The following ALG9 variants were observed in gnomAD, a reference collection of about 807,000 sequenced individuals.
The protein encoded by ALG9 is ALG9 alpha-1,2-mannosyltransferase, also known as alpha-1,2-mannosyltransferase ALG9.
In ALG9, 55 loss-of-function variants were observed where a neutral mutation model predicts 81.8. That is an observed-to-expected ratio of 0.67 (90% CI 0.54 to 0.84). The LOEUF (loss-of-function observed/expected upper bound fraction) is 0.84, where lower values mean the gene tolerates loss of function less well. Among genes scored for constraint, ALG9 ranks in the 40% least tolerant of loss-of-function variants. The probability of loss-of-function intolerance (pLI) is 0.00; values close to 1 mark genes in which losing one functional copy is unlikely to be tolerated. For missense variants in ALG9, 629 were observed against 745.0 expected (o/e 0.84, Z 1.81); for synonymous variants, 278 against 274.3 (o/e 1.01, Z -0.13).
chr11:111,851,590 G>A (rs1957843679), intron 8 of ALG9, among the ~76,000 whole-genome samples: 1 of 151,882 alleles, frequency 6.6e-6, no homozygotes, highest in Non-Finnish European at 1.5e-5. Flanking sequence ...TAGAGTATCA[G>A]TAACCCATTA....
chr11:111,837,105 C>G (rs1249361140), intron 12 of ALG9, among the ~76,000 whole-genome samples: 1 of 152,200 alleles, frequency 6.6e-6, no homozygotes, highest in African/African-American at 2.4e-5. Context: ...TCTCTTCTAG[C>G]TGGAGTTTCT....
intron 8 of ALG9, among the ~76,000 whole-genome samples, chr11:111,850,984 A>C (rs543157020): frequency 1.7e-3 from 257 of 152,264 alleles, no homozygotes; most frequent in Non-Finnish European, 2.1e-3. Context: ...AGAAGTCCCA[A>C]GGACTCTTTC....
intron 10 of ALG9, among the ~76,000 whole-genome samples, chr11:111,839,409 AC>A (rs1555121246): frequency 6.6e-6 from 1 of 151,640 alleles, no homozygotes; most frequent in Non-Finnish European, 1.5e-5. Flanking sequence ...CACAGTGAAA[AC>A]CCCGTCTCTA....
intron 4 of ALG9, 83 bp downstream of exon 4, chr11:111,865,098 A>C: frequency 8.7e-7 from 1 of 1,149,884 alleles, no homozygotes; most frequent in Non-Finnish European, 1.2e-6. Flanking sequence ...ATTTCTAATC[A>C]CTGCCTAGAC....
chr11:111,793,532 C>T (rs1203302364), intron 14 of ALG9, among the ~76,000 whole-genome samples: 7 of 152,198 alleles, frequency 4.6e-5, no homozygotes, highest in South Asian at 4.1e-4. Flanking sequence ...GAGGCCGAGG[C>T]GGGCGGATCA....
At chr11:111,852,415 AG>A (rs1207044969) in intron 8 of ALG9, among the ~76,000 whole-genome samples, 2 of 152,170 alleles carry the variant, frequency 1.3e-5, no homozygotes, top group Admixed American at 1.3e-4. Flanking sequence ...GCATCAGGGA[AG>A]GAGTGGAGAT....
At chr11:111,788,385 C>G (rs749654925) in intron 14 of ALG9, 1 of 453,736 alleles carries the variant, frequency 2.2e-6, no homozygotes, top group Non-Finnish European at 4.4e-6. Flanking sequence ...GGAGAAGAGA[C>G]ATGAGACAAA....
chr11:111,870,535 A>C (rs1298321360), intron 1 of ALG9, among the ~76,000 whole-genome samples, 165 bp from the exon 2 acceptor site: 1 of 152,174 alleles, frequency 6.6e-6, no homozygotes, highest in Non-Finnish European at 1.5e-5. Context: ...TCTCAGTAAA[A>C]TTAATAAAAA....
At chr11:111,809,827 G>A (rs994473378) in intron 13 of ALG9, 54 bp from the exon 14 acceptor site, 67 of 1,598,756 alleles carry the variant, frequency 4.2e-5, no homozygotes, top group Non-Finnish European at 5.7e-5. Flanking sequence ...TCCCTTCAGG[G>A]TAGAGAACAG....
At chr11:111,855,791 C>G (rs1217863396) in intron 6 of ALG9, among the ~76,000 whole-genome samples, 2 of 151,988 alleles carry the variant, frequency 1.3e-5, no homozygotes, top group Non-Finnish European at 2.9e-5. Flanking sequence ...AGAAGAGGAC[C>G]TAAGATACAA....
intron 6 of ALG9, among the ~76,000 whole-genome samples, chr11:111,855,348 C>T (rs1184430636): frequency 6.6e-6 from 1 of 152,176 alleles, no homozygotes; most frequent in Non-Finnish European, 1.5e-5. Flanking sequence ...GAGTTTAAAA[C>T]AGGGAAGTGA....
chr11:111,836,216 C>A lies in ALG9; in HGVS notation c.1551G>T (p.Arg517=), dbSNP rs1008067161. The change falls in exon 13 of 15, where the codon CGG becomes CGT. Residue 517 remains arginine, a synonymous_variant. Coordinates refer to ENST00000616540, the MANE Select transcript of ALG9 (RefSeq NM_024740.2). ...GGTCATTCATGTCAGTAGGAACAATCCGGGTGGCCAGAGGTCCTTCTGCAA... is the reference window on the plus strand; with the variant it reads ...GGTCATTCATGTCAGTAGGAACAATACGGGTGGCCAGAGGTCCTTCTGCAA... ...KPFAEGPLAT[R]IVPTDMNDQN... 1 of 1,614,030 alleles carries A rather than the reference C, an allele frequency of 6.2e-7. No individual in the cohort carries two copies. Among genetic ancestry groups the A allele is most frequent in the East Asian group, 2.2e-5 (1 of 44,876 alleles).
chr11:111,843,165 A>G (rs1956478454), intron 9 of ALG9, among the ~76,000 whole-genome samples: 1 of 152,218 alleles, frequency 6.6e-6, no homozygotes, highest in Non-Finnish European at 1.5e-5. Context: ...GAAGGGATAG[A>G]GGAATAAGTT....
intron 5 of ALG9, among the ~76,000 whole-genome samples, chr11:111,859,504 C>CA (rs1223628474): frequency 3.5e-5 from 5 of 144,818 alleles, no homozygotes; most frequent in South Asian, 2.2e-4. Context: ...ACTCTTGTCT[C>CA]AAAAAAAAAG....
rs1946173995 is a variant in ALG9, at chr11:111,783,817, GAT to G, written c.*2578_*2579del. 1 of 151,700 alleles carries G rather than the reference GAT, an allele frequency of 6.6e-6. No individual in the cohort carries two copies. The highest frequency in any genetic ancestry group is 2.1e-4 in the South Asian group (1 of 4,824). The allele number at this position is 151,700 out of a possible 1,614,324, so 9.4% of individuals were successfully genotyped here. On this transcript the variant is annotated 3_prime_UTR_variant, in exon 15 of 15. Coordinates refer to ENST00000616540, the MANE Select transcript of ALG9 (RefSeq NM_024740.2). The stretch of plus-strand genomic sequence containing the variant: ...ACTAAAGACATACATAGAACAGAGA[GAT>G]CCAAAATCAGGTTTTAAAAGTGATA...
intron 13 of ALG9, among the ~76,000 whole-genome samples, chr11:111,826,282 A>T (rs1953263262): frequency 6.6e-6 from 1 of 151,374 alleles, no homozygotes. Context: ...GCTACTTGAG[A>T]GGCTGAGGTG....
intron 8 of ALG9, among the ~76,000 whole-genome samples, chr11:111,852,801 G>C (rs1189285907): frequency 6.6e-6 from 1 of 151,966 alleles, no homozygotes; most frequent in Non-Finnish European, 1.5e-5. Context: ...AGCCAGACAT[G>C]GTGGCGGGCT....
intron 11 of ALG9, 122 bp from the exon 12 acceptor site, chr11:111,837,737 A>G: frequency 4.6e-6 from 5 of 1,089,148 alleles, no homozygotes; most frequent in Non-Finnish European, 6.8e-6. Flanking sequence ...GAAGGGCCAT[A>G]GCCATTCCAG....
At chr11:111,843,398 G>C (rs536089798) in intron 9 of ALG9, among the ~76,000 whole-genome samples, 5 of 152,178 alleles carry the variant, frequency 3.3e-5, no homozygotes, top group African/African-American at 1.2e-4. Context: ...AAATCAATGG[G>C]TATTAGATGA....
Sources: allele counts gnomAD v4.1 joint callset (sites outside exome capture counted in the v4.1 genomes callset), GRCh38; gene constraint gnomAD v4.1.1; transcripts MANE v1.5; gene names NCBI Gene and HGNC (gene_info 2026-07-23, HGNC 2026-07-21).